The following CSMD1 variants were observed in gnomAD, a reference collection of about 807,000 sequenced individuals.
The protein encoded by CSMD1 is CUB and sushi domain-containing protein 1.
A neutral mutation model predicts 417.5 loss-of-function variants in CSMD1; 213 were observed. The ratio of observed to expected loss-of-function variants is 0.51; its 90% CI spans 0.46 to 0.57. The LOEUF (loss-of-function observed/expected upper bound fraction) is 0.57. Ranked by LOEUF, CSMD1 falls within the 20% of genes least tolerant of loss-of-function variation. The pLI is 0.00. For missense variants in CSMD1, 6,923 were observed against 4,529.7 expected, an observed-to-expected ratio of 1.53 and a Z score of -15.17; for synonymous variants, 2,862 against 1,736.8, an observed-to-expected ratio of 1.65 and a Z score of -16.11.
chr8:4,844,593 C>T (rs1400105400), intron 1 of CSMD1, among the ~76,000 whole-genome samples: 1 of 152,142 alleles, frequency 6.6e-6, no homozygotes, highest in Non-Finnish European at 1.5e-5. Context: ...ACACAGATTG[C>T]TTTTTCTGTA....
intron 1 of CSMD1, among the ~76,000 whole-genome samples, chr8:4,853,496 G>A (rs750595608): frequency 1.3e-5 from 2 of 152,206 alleles, no homozygotes; most frequent in African/African-American, 2.4e-5. Context: ...AATAAAGGAG[G>A]CTTGGCAGCT....
chr8:4,627,775 C>T lies in CSMD1; in HGVS notation c.302+9567G>A, dbSNP rs781450886. Among the ~76,000 whole-genome samples, 46 of 152,082 alleles carry T rather than the reference C, an allele frequency of 3.0e-4. 1 individual carries two copies. Among genetic ancestry groups the T allele is most frequent in the Admixed American group, 2.9e-3 (45 of 15,256 alleles). On this transcript the variant is annotated intron_variant, in intron 2 of 69. Transcript: ENST00000635120. ...AACCTCTTTAAGCTTCGGCCTTGAA[C>T]AGAAAAATAATGTAGGCAGACATAT...
chr8:3,074,074 C>T (rs1444067378), intron 49 of CSMD1, among the ~76,000 whole-genome samples: 2 of 152,210 alleles, frequency 1.3e-5, no homozygotes, highest in South Asian at 2.1e-4. Flanking sequence ...GGGAAGAATC[C>T]ACTTGGAAGA....
chr8:3,167,383 T>C (rs1820296608), intron 37 of CSMD1, among the ~76,000 whole-genome samples: 2 of 151,702 alleles, frequency 1.3e-5, no homozygotes, highest in African/African-American at 4.8e-5. Context: ...GCCAACCTAA[T>C]ACATGACTCT....
intron 1 of CSMD1, among the ~76,000 whole-genome samples, chr8:4,945,687 G>T (rs556266856): frequency 6.6e-6 from 1 of 152,072 alleles, no homozygotes. Flanking sequence ...AGAGAACTTG[G>T]CATTAACAAA....
At chr8:3,077,319 C>G (rs1421939241) in intron 49 of CSMD1, among the ~76,000 whole-genome samples, 2 of 152,184 alleles carry the variant, frequency 1.3e-5, no homozygotes, top group South Asian at 2.1e-4. Flanking sequence ...CCCCAAGACA[C>G]AGCAGACTGC....
At chr8:3,214,436 A>G (rs1379546132) in intron 30 of CSMD1, 61 bp downstream of exon 30, 3 of 1,364,834 alleles carry the variant, frequency 2.2e-6, no homozygotes, top group South Asian at 1.5e-5. Context: ...CATTTCTTCA[A>G]TGAGATGCTG....
chr8:4,557,892 T>C (rs146211186), intron 2 of CSMD1, among the ~76,000 whole-genome samples: 4 of 152,312 alleles, frequency 2.6e-5, no homozygotes, highest in Admixed American at 6.5e-5. Context: ...AGTGTAAAGA[T>C]GACGTGTTCA....
intron 6 of CSMD1, among the ~76,000 whole-genome samples, chr8:3,740,008 G>T (rs1008625311): frequency 3.3e-5 from 5 of 152,056 alleles, no homozygotes; most frequent in African/African-American, 9.7e-5. Context: ...GTCTCTTCTG[G>T]GAGTCATTGA....
intron 3 of CSMD1, among the ~76,000 whole-genome samples, chr8:4,225,670 G>C (rs1472599121): frequency 6.6e-6 from 1 of 152,118 alleles, no homozygotes; most frequent in Non-Finnish European, 1.5e-5. Context: ...GGAAAGTGGT[G>C]ATGCCTTAGG....
At chr8:3,490,228 A>G (rs994010369) in intron 11 of CSMD1, among the ~76,000 whole-genome samples, 2 of 152,154 alleles carry the variant, frequency 1.3e-5, no homozygotes, top group Admixed American at 6.5e-5. Flanking sequence ...TATGTTTCCC[A>G]AAGGGCATCT....
At chr8:3,638,142 C>G (rs1401244813) in intron 7 of CSMD1, among the ~76,000 whole-genome samples, 1 of 152,194 alleles carries the variant, frequency 6.6e-6, no homozygotes, top group Non-Finnish European at 1.5e-5. Context: ...AACGTAAGAT[C>G]TCCTGCCCCT....
intron 7 of CSMD1, among the ~76,000 whole-genome samples, chr8:3,647,316 C>G (rs1010651350): frequency 6.6e-6 from 1 of 152,082 alleles, no homozygotes; most frequent in African/African-American, 2.4e-5. Flanking sequence ...TGGGTTGTAT[C>G]CTTGGCCAGG....
intron 2 of CSMD1, among the ~76,000 whole-genome samples, chr8:4,617,349 T>A (rs752417143): frequency 6.6e-6 from 1 of 152,188 alleles, no homozygotes; most frequent in Non-Finnish European, 1.5e-5. Context: ...GAAAACGGAA[T>A]GTAAACAGAG....
At chr8:4,407,149 A>G (rs1258527036) in intron 3 of CSMD1, among the ~76,000 whole-genome samples, 1 of 152,158 alleles carries the variant, frequency 6.6e-6, no homozygotes, top group African/African-American at 2.4e-5. Flanking sequence ...TGCAAAGCCA[A>G]AAGAGTAACT....
At chr8:4,941,512 A>T (rs943639173) in intron 1 of CSMD1, among the ~76,000 whole-genome samples, 1 of 152,176 alleles carries the variant, frequency 6.6e-6, no homozygotes, top group Non-Finnish European at 1.5e-5. Context: ...TTATCTACAC[A>T]TGTAACTTGT....
chr8:3,529,660 A>C (rs951140025), intron 10 of CSMD1, among the ~76,000 whole-genome samples: 2 of 152,220 alleles, frequency 1.3e-5, no homozygotes, highest in African/African-American at 4.8e-5. Flanking sequence ...GAAGAGTATC[A>C]GCTTCTCAGA....
chr8:4,953,618 G>T (rs1334333043), intron 1 of CSMD1, among the ~76,000 whole-genome samples: 1 of 151,926 alleles, frequency 6.6e-6, no homozygotes, highest in Non-Finnish European at 1.5e-5. Context: ...AAAAAAACTT[G>T]GCAATACTCA....
At chr8:3,855,031 A>G (rs1338279440) in intron 5 of CSMD1, among the ~76,000 whole-genome samples, 1 of 152,156 alleles carries the variant, frequency 6.6e-6, no homozygotes. Flanking sequence ...AAACACAAAA[A>G]CATGCATATG....
Sources: gnomAD v4.1 joint callset for allele counts (sites outside exome capture counted in the v4.1 genomes callset) on GRCh38, gnomAD v4.1.1 for gene constraint, MANE v1.5 for transcripts, NCBI Gene and HGNC (gene_info 2026-07-23, HGNC 2026-07-21) for gene names.